The following SNX29 variants were observed in gnomAD, a reference collection of about 807,000 sequenced individuals.
SNX29 encodes sorting nexin 29, also known as sorting nexin-29.
Under a neutral mutation model 102.1 loss-of-function variants are expected in SNX29, and 78 were observed. The observed-to-expected ratio is 0.76, with a 90% confidence interval of 0.64 to 0.92. The LOEUF is 0.92. Ranked by LOEUF, SNX29 falls within the 40% of genes least tolerant of loss-of-function variation. SNX29 has a pLI of 0.00. For missense variants in SNX29, 1,280 were observed against 1,061.7 expected (o/e 1.21, Z -2.86); for synonymous variants, 580 against 414.5 (o/e 1.40, Z -4.85).
chr16:12,300,298 C>T (rs943483798), intron 15 of SNX29, among the ~76,000 whole-genome samples: 1 of 152,204 alleles, frequency 6.6e-6, no homozygotes, highest in African/African-American at 2.4e-5. Context: ...CTGTCTTCCA[C>T]CACTTTCTCC....
chr16:12,532,051 C>T (rs962316553), intron 20 of SNX29, among the ~76,000 whole-genome samples: 5 of 152,158 alleles, frequency 3.3e-5, no homozygotes, highest in African/African-American at 9.7e-5. Flanking sequence ...AGCTGCAGGT[C>T]TGGGTCGCCG....
At chr16:12,126,901 A>G (rs2054235300) in intron 12 of SNX29, among the ~76,000 whole-genome samples, 1 of 152,188 alleles carries the variant, frequency 6.6e-6, no homozygotes, top group African/African-American at 2.4e-5. Flanking sequence ...AGAAGTGAGA[A>G]CCTTATGATA....
At chr16:12,013,500 A>AAAAAAATATATATGTATATATATATAT in intron 3 of SNX29, among the ~76,000 whole-genome samples, 1 of 31,634 alleles carries the variant, frequency 3.2e-5, no homozygotes, top group Non-Finnish European at 6.1e-5. Flanking sequence ...AAAAAAAAAA[A>AAAAAAATATATATGTATATATATATAT]ATATATATAT....
rs143372184 is a variant in SNX29, at chr16:12,568,591, G to A, written c.2404G>A (p.Glu802Lys). The A allele has an allele frequency of 0.021, 33,698 of 1,606,452 alleles. 462 individuals carry two copies. The highest frequency in any genetic ancestry group is 0.058 in the Middle Eastern group (349 of 6,062). Reference sequence around the variant, plus strand: ...CAAACTGTCCCGGGGTCAGCCCCGGGAGACCCGCAACGTGGAGCCCCAGAG... The same window carrying A: ...CAAACTGTCCCGGGGTCAGCCCCGGAAGACCCGCAACGTGGAGCCCCAGAG... ...FPKLSRGQPR[E>K]TRNVEPQSGD... Residue 802 changes from glutamate to lysine, a missense_variant, in exon 21 of 21, where the codon GAG becomes AAG. Transcript: ENST00000566228.
chr16:12,496,507 CTTTTT>C (rs537441350), intron 19 of SNX29, among the ~76,000 whole-genome samples: 23,992 of 115,024 alleles, frequency 0.21, 2,667 homozygotes, highest in South Asian at 0.43. Context: ...GCTCTCATGG[CTTTTT>C]TTTTTTTTTT....
intron 3 of SNX29, among the ~76,000 whole-genome samples, chr16:12,011,764 C>T (rs2056662422): frequency 3.9e-5 from 6 of 152,040 alleles, no homozygotes; most frequent in African/African-American, 1.2e-4. Context: ...ACCTTCATGC[C>T]TCCTTCAGCC....
At chr16:12,558,236 C>CT (rs1026114654) in intron 20 of SNX29, among the ~76,000 whole-genome samples, 2 of 13,450 alleles carry the variant, frequency 1.5e-4, no homozygotes, top group Non-Finnish European at 7.8e-4. Flanking sequence ...CTTCAGCCCC[C>CT]CCAGTAGATG....
chr16:12,277,975 A>T lies in SNX29; in HGVS notation c.1721A>T (p.Glu574Val). The T allele has an allele frequency of 1.9e-6, 3 of 1,609,816 alleles. No homozygotes were observed. In the South Asian group the frequency reaches 3.3e-5, roughly 18 times the overall value. Residue 574 changes from glutamate to valine, a missense_variant, in exon 15 of 21, where the codon GAA (glutamate) becomes GTA (valine). Coordinates refer to ENST00000566228, the MANE Select transcript of SNX29 (RefSeq NM_032167.5). ...WSVDGEVTVA[E>V]QKPGEIAEEL... is the part of the protein sequence containing the mutation. ...GTTGATGGAGAAGTTACAGTAGCTG[A>T]ACAGAAGCCGGGAGAAATTGCTGAA... is the stretch of plus-strand genomic sequence containing the variant.
intron 4 of SNX29, among the ~76,000 whole-genome samples, chr16:12,034,286 C>G (rs1314646606): frequency 6.6e-6 from 1 of 152,170 alleles, no homozygotes. Context: ...GAGGGGAAGT[C>G]CAGTTCCTCA....
rs991828743 is a variant in SNX29 at position 12,573,931 on chromosome 16, C to G, written c.*5302C>G. On this transcript the variant is annotated 3_prime_UTR_variant, in exon 21 of 21. Coordinates refer to ENST00000566228, the MANE Select transcript of SNX29 (RefSeq NM_032167.5). ...ACCTGACACCGACTTCTTAGAGAAG[C>G]GAGTCTTTTTTGAATGGAGGAGCGA... 1 of 201,856 alleles carries G rather than the reference C, an allele frequency of 5.0e-6. No homozygotes were observed. 12.5% of individuals were successfully genotyped at this position (201,856 alleles called of 1,614,324 possible). A position where few individuals can be genotyped will look rare whatever the true frequency, so the allele number is the denominator to read the frequency against.
chr16:12,029,748 T>C (rs1337626769), intron 4 of SNX29: 14 of 364,156 alleles, frequency 3.8e-5, no homozygotes, highest in Non-Finnish European at 5.3e-5. Flanking sequence ...TGTGCCACCA[T>C]GTCTGGCTAA....
At chr16:12,502,754 T>C (rs1220933838) in intron 19 of SNX29, among the ~76,000 whole-genome samples, 3 of 152,202 alleles carry the variant, frequency 2.0e-5, no homozygotes, top group Non-Finnish European at 4.4e-5. Context: ...CAAATTATAA[T>C]AGGAGTAATG....
At chr16:12,562,064 C>G (rs1008491529) in intron 20 of SNX29, among the ~76,000 whole-genome samples, 5 of 149,310 alleles carry the variant, frequency 3.3e-5, no homozygotes, top group Non-Finnish European at 7.5e-5. Flanking sequence ...CGTTTTCCTT[C>G]CCGTGTTTTC....
At chr16:12,078,077 C>A (rs2051671564) in intron 10 of SNX29, among the ~76,000 whole-genome samples, 1 of 152,232 alleles carries the variant, frequency 6.6e-6, no homozygotes, top group African/African-American at 2.4e-5. Context: ...ATCTCTAACT[C>A]ACAAATTATC....
intron 14 of SNX29, among the ~76,000 whole-genome samples, chr16:12,275,668 GT>G (rs958377985): frequency 2.3e-5 from 3 of 129,920 alleles, no homozygotes; most frequent in Non-Finnish European, 3.2e-5. Context: ...CTGTAATTTT[GT>G]TTTTTTTGTT....
At chr16:12,160,755 AAAATC>A (rs1163488326) in intron 13 of SNX29, among the ~76,000 whole-genome samples, 1 of 152,248 alleles carries the variant, frequency 6.6e-6, no homozygotes, top group African/African-American at 2.4e-5. Context: ...TGTACAAAAT[AAAATC>A]AAGTGTTAAT....
chr16:12,560,076 C>CATA (rs2078631813), intron 20 of SNX29, among the ~76,000 whole-genome samples: 2 of 152,152 alleles, frequency 1.3e-5, no homozygotes, highest in Non-Finnish European at 2.9e-5. Flanking sequence ...TAACTACTGT[C>CATA]CTAACAGTGG....
intron 15 of SNX29, among the ~76,000 whole-genome samples, chr16:12,297,742 G>C (rs1596806429): frequency 6.6e-6 from 1 of 152,102 alleles, no homozygotes; most frequent in African/African-American, 2.4e-5. Context: ...CCTCAGTAAA[G>C]CTGGGGGAAA....
intron 2 of SNX29, 73 bp downstream of exon 2, chr16:11,999,431 C>A: frequency 1.4e-6 from 2 of 1,457,404 alleles, no homozygotes; most frequent in South Asian, 1.2e-5. Context: ...TCATTTCTTC[C>A]CTATAACATA....
Sources: gnomAD v4.1 joint callset for allele counts (sites outside exome capture counted in the v4.1 genomes callset) on GRCh38, gnomAD v4.1.1 for gene constraint, MANE v1.5 for transcripts, NCBI Gene and HGNC (gene_info 2026-07-23, HGNC 2026-07-21) for gene names.